FMN1: variants seen among roughly 807,000 people sequenced by gnomAD.
FMN1 encodes the protein formin-1.
A neutral mutation model predicts 132.4 loss-of-function variants in FMN1; 110 were observed. The observed-to-expected ratio is 0.83, with a 90% CI of 0.71 to 0.97. FMN1 has a LOEUF of 0.97. Ranked by LOEUF, FMN1 falls within the 50% of genes least tolerant of loss-of-function variation. The pLI is 0.00. For synonymous variants in FMN1, 722 were observed against 651.7 expected (o/e 1.11, Z -1.64); for missense variants, 1,792 against 1,705.3 (o/e 1.05, Z -0.90).
intron 6 of FMN1, among the ~76,000 whole-genome samples, chr15:33,056,540 TG>T (rs2037223937): frequency 6.6e-6 from 1 of 152,228 alleles, no homozygotes. Context: ...CAAAACTCAG[TG>T]ACTGCCACAA....
chr15:32,850,332 G>A (rs1240950749), intron 17 of FMN1, among the ~76,000 whole-genome samples: 1 of 152,148 alleles, frequency 6.6e-6, no homozygotes, highest in African/African-American at 2.4e-5. Context: ...CTCTTATTTT[G>A]CAACTTAGAG....
chr15:32,969,875 A>G (rs920739015), intron 7 of FMN1, among the ~76,000 whole-genome samples: 5 of 152,232 alleles, frequency 3.3e-5, no homozygotes, highest in Non-Finnish European at 7.3e-5. Context: ...CTATAAAGAA[A>G]AAAATAGGTT....
At chr15:33,118,882 C>T (rs140042582) in intron 4 of FMN1, among the ~76,000 whole-genome samples, 57 of 145,546 alleles carry the variant, frequency 3.9e-4, no homozygotes, top group African/African-American at 1.3e-3. Flanking sequence ...AAAATAATGT[C>T]TATAAAAAAA....
intron 17 of FMN1, among the ~76,000 whole-genome samples, chr15:32,850,920 G>A (rs937711941): frequency 3.3e-5 from 5 of 151,958 alleles, no homozygotes; most frequent in Admixed American, 1.3e-4. Context: ...CTAGCCAGGC[G>A]TGGTGGCAGG....
At chr15:32,902,811 C>T (rs561048826) in intron 12 of FMN1, among the ~76,000 whole-genome samples, 290 of 152,258 alleles carry the variant, frequency 1.9e-3, no homozygotes, top group African/African-American at 6.5e-3. Flanking sequence ...ACTCTCCAGG[C>T]CAACCACCAG....
chr15:33,064,977 C>A lies in FMN1; in HGVS notation c.2141G>T (p.Gly714Val), dbSNP rs2141246160. The A allele has an allele frequency of 6.2e-7, 1 of 1,612,308 alleles. No individual in the cohort carries two copies. The highest frequency in any genetic ancestry group is 8.5e-7 in the Non-Finnish European group (1 of 1,179,158). ...ATTACCTGCTTCAGTGTACTTCAGT[C>A]CCACTTTTTCTTCTGTGTCTTTTGT... Reference protein sequence around the residue: ...PKTKDTEEKVGLKYTEAEYQA... With the variant: ...PKTKDTEEKVVLKYTEAEYQA... Residue 714 changes from glycine to valine, a missense_variant, in exon 6 of 21, where the codon GGA becomes GTA. Coordinates refer to ENST00000616417, the MANE Select transcript of FMN1 (RefSeq NM_001277313.2).
chr15:32,990,147 CAAAT>C (rs1227668908), intron 7 of FMN1, among the ~76,000 whole-genome samples: 2 of 152,056 alleles, frequency 1.3e-5, no homozygotes, highest in East Asian at 1.9e-4. Flanking sequence ...AGTTTGAATT[CAAAT>C]AAATAGGTCT....
chr15:33,108,717 C>T (rs975479035), intron 4 of FMN1, among the ~76,000 whole-genome samples: 2 of 152,058 alleles, frequency 1.3e-5, no homozygotes, highest in Non-Finnish European at 2.9e-5. Flanking sequence ...TTGATGTTCT[C>T]ACCAAGAGGG....
chr15:33,071,708 T>C (rs1166474497), intron 5 of FMN1, among the ~76,000 whole-genome samples: 1 of 151,816 alleles, frequency 6.6e-6, no homozygotes, highest in African/African-American at 2.4e-5. Flanking sequence ...AAGAGATCTT[T>C]TAACACGGAC....
chr15:32,963,490 T>C (rs914078688), intron 9 of FMN1, among the ~76,000 whole-genome samples: 8 of 151,352 alleles, frequency 5.3e-5, no homozygotes, highest in East Asian at 1.9e-4. Flanking sequence ...AAACTTAAAG[T>C]ATAATAAATA....
intron 16 of FMN1, among the ~76,000 whole-genome samples, chr15:32,870,502 C>T (rs1412126254): frequency 6.6e-6 from 1 of 152,176 alleles, no homozygotes; most frequent in African/African-American, 2.4e-5. Flanking sequence ...CAAGTGAGGA[C>T]ATGCTAGTGC....
At chr15:32,950,036 CAT>C (rs373645697) in intron 9 of FMN1, among the ~76,000 whole-genome samples, 67 of 5,424 alleles carry the variant, frequency 0.012, 9 homozygotes, top group Middle Eastern at 0.062. Context: ...TATATATACA[CAT>C]ATATATATAT....
At chr15:33,108,064 G>C (rs1232251199) in intron 4 of FMN1, among the ~76,000 whole-genome samples, 4 of 152,064 alleles carry the variant, frequency 2.6e-5, no homozygotes, top group Non-Finnish European at 5.9e-5. Flanking sequence ...TTCAGCTCCA[G>C]TAAGAAAGAG....
rs578251818 is a variant in FMN1 at position 33,015,006 on chromosome 15, G to A, written c.2162-6931C>T. Among the ~76,000 whole-genome samples the A allele has an allele frequency of 3.3e-5, 5 of 152,290 alleles. No homozygotes were observed. In the East Asian group the frequency reaches 9.6e-4, roughly 29 times the overall value. On this transcript the variant is annotated intron_variant, in intron 6 of 20. Transcript: ENST00000616417. ...GCCATCCTCACATCAAATTGAAAAG[G>A]TAGACCCTATCATATCGAGACTTAC...
At chr15:32,975,025 C>G (rs1177809477) in intron 7 of FMN1, among the ~76,000 whole-genome samples, 1 of 152,212 alleles carries the variant, frequency 6.6e-6, no homozygotes, top group Non-Finnish European at 1.5e-5. Context: ...TATACCACTA[C>G]AGATAACCAA....
At chr15:32,879,892 C>G (rs571368100) in intron 16 of FMN1, among the ~76,000 whole-genome samples, 4 of 151,968 alleles carry the variant, frequency 2.6e-5, no homozygotes, top group African/African-American at 9.7e-5. Context: ...TATACGTGCA[C>G]GCAGTTTAAA....
chr15:33,162,104 T>G (rs1178579366), intron 3 of FMN1, among the ~76,000 whole-genome samples: 1 of 152,084 alleles, frequency 6.6e-6, no homozygotes, highest in Non-Finnish European at 1.5e-5. Flanking sequence ...CTCCAGCTTC[T>G]GGGCCCAGGC....
chr15:33,179,984 T>C (rs1387305519), intron 3 of FMN1, among the ~76,000 whole-genome samples: 3 of 152,196 alleles, frequency 2.0e-5, no homozygotes, highest in African/African-American at 7.2e-5. Flanking sequence ...CGTAAATACT[T>C]ACTTTATTTA....
rs143455083 is a variant in FMN1 at position 33,144,214 on chromosome 15, T to G, written c.1867+8834A>C. On this transcript the variant is annotated intron_variant, in intron 4 of 20. Transcript: ENST00000616417. ...CTGACTTGATTTAATTTAGAAAATT[T>G]TAAAACCCTGATTTAATTCAAAGGC... Among the ~76,000 whole-genome samples, 1,268 of 152,306 alleles carry G rather than the reference T, an allele frequency of 8.3e-3. 6 individuals are homozygous for G. Among genetic ancestry groups the G allele is most frequent in the Non-Finnish European group, 0.013 (886 of 68,018 alleles).
Sources: gnomAD v4.1 joint callset for allele counts (sites outside exome capture counted in the v4.1 genomes callset) on GRCh38, gnomAD v4.1.1 for gene constraint, MANE v1.5 for transcripts, NCBI Gene and HGNC (gene_info 2026-07-23, HGNC 2026-07-21) for gene names.